RASA1: variants seen among roughly 807,000 people sequenced by gnomAD.
RASA1 encodes RAS p21 protein activator 1, also known as ras GTPase-activating protein 1.
A neutral mutation model predicts 132.2 loss-of-function variants in RASA1; 25 were observed. The observed-to-expected ratio is 0.19, with a 90% CI of 0.14 to 0.26. The LOEUF (loss-of-function observed/expected upper bound fraction) is 0.26, where lower values mean the gene tolerates loss of function less well. RASA1 is among the 10% of genes least tolerant of loss of function. RASA1 has a pLI of 1.00. For missense variants in RASA1, 964 were observed against 1,299.2 expected (o/e 0.74, Z 3.97); for synonymous variants, 477 against 449.9 (o/e 1.06, Z -0.76).
chr5:87,310,605 A>T (rs143434961), intron 1 of RASA1, among the ~76,000 whole-genome samples: 423 of 152,272 alleles, frequency 2.8e-3, no homozygotes, highest in Non-Finnish European at 4.9e-3. Context: ...TGACAGACTT[A>T]GTTAAGATTG....
intron 1 of RASA1, among the ~76,000 whole-genome samples, chr5:87,319,960 A>C (rs1229893599): frequency 6.6e-6 from 1 of 152,234 alleles, no homozygotes; most frequent in Non-Finnish European, 1.5e-5. Flanking sequence ...GAAAAATACC[A>C]GGTCACATCT....
At chr5:87,316,067 G>C (rs146977685) in intron 1 of RASA1, among the ~76,000 whole-genome samples, 1 of 152,126 alleles carries the variant, frequency 6.6e-6, no homozygotes, top group African/African-American at 2.4e-5. Context: ...CACATTTTTG[G>C]ATAATTTTCA....
chr5:87,333,394 T>A, intron 4 of RASA1, 57 bp downstream of exon 4: 1 of 1,601,206 alleles, frequency 6.2e-7, no homozygotes. Flanking sequence ...CTTCGAAGAT[T>A]TATTACTCTT....
chr5:87,342,728 A>G lies in RASA1; in HGVS notation c.1049+1407A>G, dbSNP rs16902628. ...GTAGAAAACTAGAAAGTGTTTGCCT[A>G]TTGTAAGGTAATCACTTTGTCTAGT... On this transcript the variant is annotated intron_variant, in intron 6 of 24. Transcript: ENST00000274376. Among the ~76,000 whole-genome samples, 1,069 of 152,290 alleles carry G rather than the reference A, an allele frequency of 7.0e-3. 5 individuals carry two copies. The highest frequency in any genetic ancestry group is 0.016 in the African/African-American group (679 of 41,556).
intron 1 of RASA1, among the ~76,000 whole-genome samples, chr5:87,273,444 C>T (rs1034688679): frequency 5.3e-4 from 80 of 152,084 alleles, no homozygotes; most frequent in African/African-American, 1.9e-3. Flanking sequence ...ACTAGTACTC[C>T]ATAATTTTTT....
At chr5:87,367,850 TTTAGAGGTAATGTATCTTTGTCTTTTCTC>T (rs1365666045) in intron 11 of RASA1, among the ~76,000 whole-genome samples, 14 of 152,198 alleles carry the variant, frequency 9.2e-5, no homozygotes, top group Non-Finnish European at 1.6e-4. Flanking sequence ...TTGTTTCTGT[TTTAGAGGTAATGTATCTTTGTCTTTTCTC>T]TTAGAGGTAA....
Position 87,379,716 on chromosome 5 carries a change from GATTT to G in RASA1, c.2488-15_2488-12del. The G allele has an allele frequency of 6.2e-7, 1 of 1,609,768 alleles. No homozygotes were observed. The highest frequency in any genetic ancestry group is 8.5e-7 in the Non-Finnish European group (1 of 1,177,878). ...GTCATTGCCAACATGCATTTATATTGATTTATTCCTTCTTTTAGTTAAGTCCATC... is the reference window on the plus strand; with the variant it reads ...GTCATTGCCAACATGCATTTATATTGATTCCTTCTTTTAGTTAAGTCCATC... On this transcript the variant is annotated splice_polypyrimidine_tract_variant and intron_variant, in intron 18 of 24. Transcript: ENST00000274376.
At chr5:87,287,260 C>T (rs571293063) in intron 1 of RASA1, among the ~76,000 whole-genome samples, 5 of 142,032 alleles carry the variant, frequency 3.5e-5, no homozygotes, top group Admixed American at 2.8e-4. Context: ...TATATACACA[C>T]CATATACACC....
chr5:87,268,354 GGGGA>G lies in RASA1; in HGVS notation c.-96_-93del. On this transcript the variant is annotated 5_prime_UTR_variant, in exon 1 of 25. Transcript: ENST00000274376. Reference sequence around the variant, plus strand: ...TGTTTCCTCAGCCTGGGGAGCTGAAGGGGAGACGCGTCTGGGTGGGGCTGCTCGG... The same window carrying G: ...TGTTTCCTCAGCCTGGGGAGCTGAAGGACGCGTCTGGGTGGGGCTGCTCGG... 1 of 1,390,516 alleles carries G rather than the reference GGGGA, an allele frequency of 7.2e-7. No individual in the cohort carries two copies. The highest frequency in any genetic ancestry group is 9.5e-7 in the Non-Finnish European group (1 of 1,049,754). The allele number at this position is 1,390,516 out of a possible 1,614,324, so 86.1% of individuals were successfully genotyped here. A position where few individuals can be genotyped will look rare whatever the true frequency, so the allele number is the denominator to read the frequency against.
intron 13 of RASA1, among the ~76,000 whole-genome samples, chr5:87,373,556 G>T (rs1442729177): frequency 6.6e-6 from 1 of 152,072 alleles, no homozygotes; most frequent in Non-Finnish European, 1.5e-5. Context: ...GGCTTAGAGG[G>T]ACGGATTTGT....
intron 1 of RASA1, among the ~76,000 whole-genome samples, chr5:87,291,296 GA>G (rs1754901161): frequency 6.6e-6 from 1 of 152,176 alleles, no homozygotes; most frequent in Non-Finnish European, 1.5e-5. Context: ...TTGGGAGGCT[GA>G]GGTGGGAGGA....
chr5:87,307,491 ACAC>A (rs1324526432), intron 1 of RASA1, among the ~76,000 whole-genome samples: 26 of 143,048 alleles, frequency 1.8e-4, no homozygotes, highest in South Asian at 6.7e-4. Context: ...AACAACAACA[ACAC>A]AAAACTGCCT....
At chr5:87,350,719 T>TA (rs988859224) in intron 8 of RASA1, among the ~76,000 whole-genome samples, 54 of 145,852 alleles carry the variant, frequency 3.7e-4, no homozygotes, top group Non-Finnish European at 5.6e-4. Flanking sequence ...AAATGAGGAT[T>TA]AAAAAAAAAA....
chr5:87,374,761 A>G lies in RASA1; in HGVS notation c.1935-79A>G. On this transcript the variant is annotated intron_variant, in intron 14 of 24. Transcript: ENST00000274376. The stretch of plus-strand genomic sequence containing the variant: ...TTTTTAAAGCAGAAATAGGGGGTTT[A>G]TTTGATACTAGAACTAAAGAAATAA... 2.5e-6 allele frequency: 4 copies of G among 1,570,272 alleles called. No homozygotes were observed. The South Asian group carries it at 4.6e-5, about 18-fold the overall frequency.
intron 24 of RASA1, 137 bp downstream of exon 24, chr5:87,389,664 T>C: frequency 8.5e-7 from 1 of 1,178,878 alleles, no homozygotes; most frequent in Non-Finnish European, 1.2e-6. Context: ...TTACAAAAGA[T>C]CTCAGCAGAC....
At chr5:87,376,805 CAT>C in intron 16 of RASA1, 74 bp from the exon 17 acceptor site, 1 of 1,421,500 alleles carries the variant, frequency 7.0e-7, no homozygotes, top group Non-Finnish European at 9.9e-7. Context: ...TGTGAAAGAA[CAT>C]ATTTCTTGTT....
intron 1 of RASA1, among the ~76,000 whole-genome samples, chr5:87,272,083 C>A (rs1419783817): frequency 1.3e-5 from 2 of 149,512 alleles, no homozygotes; most frequent in Non-Finnish European, 3.0e-5. Context: ...AGGGAGGGGG[C>A]GGTTGCAGTG....
chr5:87,287,701 TA>T (rs1754700867), intron 1 of RASA1, among the ~76,000 whole-genome samples: 4 of 139,862 alleles, frequency 2.9e-5, no homozygotes, highest in African/African-American at 5.3e-5. Context: ...ATATATACCA[TA>T]TATGTACACG....
At chr5:87,350,199 C>T (rs1759159398) in intron 8 of RASA1, among the ~76,000 whole-genome samples, 1 of 151,770 alleles carries the variant, frequency 6.6e-6, no homozygotes, top group African/African-American at 2.4e-5. Flanking sequence ...TAGTTGCTTG[C>T]TGGAAGCTCA....
Sources: gnomAD v4.1 joint callset for allele counts (sites outside exome capture counted in the v4.1 genomes callset) on GRCh38, gnomAD v4.1.1 for gene constraint, MANE v1.5 for transcripts, NCBI Gene and HGNC (gene_info 2026-07-23, HGNC 2026-07-21) for gene names.